The following MSH4 variants were observed in gnomAD, a reference collection of about 807,000 sequenced individuals.
MSH4 encodes mutS homolog 4, also known as mutS protein homolog 4.
In MSH4, 106 loss-of-function variants were observed where a neutral mutation model predicts 113.7. The observed-to-expected ratio is 0.93, with a 90% CI of 0.80 to 1.10. The LOEUF is 1.10. MSH4 is among the 50% of genes least tolerant of loss of function. The probability of loss-of-function intolerance (pLI) is 0.00; values close to 1 mark genes in which losing one functional copy is unlikely to be tolerated. For missense variants in MSH4, 1,061 were observed against 1,093.7 expected (o/e 0.97, Z 0.42); for synonymous variants, 368 against 380.2 (o/e 0.97, Z 0.37).
At chr1:75,889,469 G>A in intron 16 of MSH4, 100 bp downstream of exon 16, 1 of 545,748 alleles carries the variant, frequency 1.8e-6, no homozygotes, top group South Asian at 2.9e-5. Flanking sequence ...TGCAGATGTT[G>A]CTTATACCCT....
intron 8 of MSH4, among the ~76,000 whole-genome samples, chr1:75,858,193 C>A (rs1021917955): frequency 8.5e-5 from 13 of 152,188 alleles, no homozygotes; most frequent in African/African-American, 3.1e-4. Flanking sequence ...TCTAAATATA[C>A]AATCATGTCA....
At chr1:75,798,731 A>T (rs890194528) in intron 1 of MSH4, among the ~76,000 whole-genome samples, 3 of 151,118 alleles carry the variant, frequency 2.0e-5, no homozygotes, top group Admixed American at 6.6e-5. Context: ...AATTTAAAAA[A>T]TTTTTTTGTA....
At chr1:75,834,985 T>C (rs1047703995) in intron 7 of MSH4, among the ~76,000 whole-genome samples, 3 of 152,198 alleles carry the variant, frequency 2.0e-5, no homozygotes, top group Non-Finnish European at 4.4e-5. Context: ...ACCTGGCTGT[T>C]TGTCCACTGG....
chr1:75,859,436 TGTCCCAGAGA>T (rs1189330374), intron 8 of MSH4, among the ~76,000 whole-genome samples: 1 of 152,248 alleles, frequency 6.6e-6, no homozygotes, highest in Non-Finnish European at 1.5e-5. Context: ...GCTTTAAATG[TGTCCCAGAGA>T]TTCTGGTACG....
intron 7 of MSH4, among the ~76,000 whole-genome samples, chr1:75,837,294 T>C (rs1378712554): frequency 6.6e-6 from 1 of 152,140 alleles, no homozygotes; most frequent in Non-Finnish European, 1.5e-5. Flanking sequence ...GCCACTCAGC[T>C]TGTGGTAATT....
Position 75,797,101 on chromosome 1 carries a change from C to G in MSH4, c.116C>G (p.Pro39Arg), listed in dbSNP as rs1649831361. ...TACAATTTCGGACTCCAGGAGACTC[C>G]ACAGAGCCGCCCTTCGGTCCAGGTG... ...PRYNFGLQETPQSRPSVQVVS... is the reference protein window; with the variant it reads ...PRYNFGLQETRQSRPSVQVVS... The change falls in exon 1 of 20, where the codon CCA becomes CGA. Residue 39 changes from proline to arginine, a missense_variant. By Grantham distance (103) the Pro-to-Arg change is moderately radical (BLOSUM62 -2). Transcript: ENST00000263187. 1 of 1,613,908 alleles carries G rather than the reference C, an allele frequency of 6.2e-7. No homozygotes were observed. Among genetic ancestry groups the G allele is most frequent in the African/African-American group, 1.3e-5 (1 of 74,936 alleles).
In MSH4 at chr1:75,803,877, G is replaced by C. The variant is rs763715852; in HGVS notation, c.391G>C (p.Gly131Arg). 1 of 1,584,820 alleles carries C rather than the reference G, an allele frequency of 6.3e-7. No homozygotes were observed. The highest frequency in any genetic ancestry group is 1.2e-5 in the South Asian group (1 of 84,972). ...GTCTACTGGAAATCCTCAGAGATCAGGTTATAAGAGCTGGACACCACAAGT... is the reference window on the plus strand; with the variant it reads ...GTCTACTGGAAATCCTCAGAGATCACGTTATAAGAGCTGGACACCACAAGT... ...PLSTGNPQRS[G>R]YKSWTPQVGY... The change falls in exon 2 of 20, where the codon GGT becomes CGT. Residue 131 changes from glycine to arginine, a missense_variant. Coordinates refer to ENST00000263187, the MANE Select transcript of MSH4 (RefSeq NM_002440.4).
At chr1:75,819,964 C>G (rs1324447563) in intron 6 of MSH4, among the ~76,000 whole-genome samples, 1 of 152,138 alleles carries the variant, frequency 6.6e-6, no homozygotes, top group Non-Finnish European at 1.5e-5. Context: ...GATCCACCTG[C>G]CTCTGCCTCC....
intron 19 of MSH4, among the ~76,000 whole-genome samples, chr1:75,900,054 A>G (rs770347415): frequency 6.6e-5 from 10 of 151,980 alleles, no homozygotes; most frequent in Non-Finnish European, 1.0e-4. Flanking sequence ...GTATAATTAT[A>G]TATTTTTTAT....
In MSH4 at chr1:75,878,182, A is replaced by G. The variant is rs752680275; in HGVS notation, c.1404A>G (p.Val468=). The G allele has an allele frequency of 4.4e-6, 7 of 1,605,350 alleles. 1 individual carries two copies. The highest frequency in any genetic ancestry group is 5.9e-6 in the Non-Finnish European group (7 of 1,177,130). Residue 468 remains valine, a synonymous_variant, in exon 11 of 20, where the codon GTA becomes GTG. Transcript: ENST00000263187. ...TCATACTTGAAAAGATTAAAACAGT[A>G]ATTAATGATGATGCAAGATACATGA... ...FGIILEKIKT[V]INDDARYMKG...
chr1:75,912,189 G>T (rs1424539705), intron 19 of MSH4, among the ~76,000 whole-genome samples: 1 of 152,010 alleles, frequency 6.6e-6, no homozygotes, highest in Non-Finnish European at 1.5e-5. Context: ...CTCTTTAGGG[G>T]CAAGCAATTT....
At chr1:75,862,800 A>G (rs1442185720) in intron 8 of MSH4, among the ~76,000 whole-genome samples, 4 of 152,198 alleles carry the variant, frequency 2.6e-5, no homozygotes, top group Admixed American at 1.3e-4. Context: ...AAATGCTTTC[A>G]GAAAATTTTC....
At chr1:75,911,962 A>G (rs1652797282) in intron 19 of MSH4, among the ~76,000 whole-genome samples, 1 of 152,130 alleles carries the variant, frequency 6.6e-6, no homozygotes, top group African/African-American at 2.4e-5. Flanking sequence ...AGAATTTTCT[A>G]GGTATATTTG....
chr1:75,816,906 C>T (rs941581190), intron 6 of MSH4, among the ~76,000 whole-genome samples: 12 of 152,050 alleles, frequency 7.9e-5, no homozygotes, highest in African/African-American at 1.4e-4. Flanking sequence ...GGATTACAGC[C>T]GTGAGCTACT....
At chr1:75,853,376 A>G (rs1421287334) in intron 8 of MSH4, among the ~76,000 whole-genome samples, 2 of 151,982 alleles carry the variant, frequency 1.3e-5, no homozygotes, top group Non-Finnish European at 1.5e-5. Flanking sequence ...GATTTTTTTT[A>G]TTGTTAGATT....
chr1:75,899,743 A>G (rs761463171), intron 19 of MSH4, 37 bp downstream of exon 19: 1 of 1,213,532 alleles, frequency 8.2e-7, no homozygotes, highest in Non-Finnish European at 1.1e-6. Context: ...TTCAAATTAA[A>G]AAAAATACTT....
At chr1:75,834,582 A>G (rs1202625713) in intron 7 of MSH4, among the ~76,000 whole-genome samples, 2 of 152,236 alleles carry the variant, frequency 1.3e-5, no homozygotes, top group Non-Finnish European at 2.9e-5. Flanking sequence ...CATATACACC[A>G]TGGACTACTA....
intron 7 of MSH4, among the ~76,000 whole-genome samples, chr1:75,831,503 C>T (rs1222074847): frequency 1.3e-5 from 2 of 152,180 alleles, no homozygotes; most frequent in Non-Finnish European, 2.9e-5. Flanking sequence ...CACCACATCA[C>T]ACTTATTCCA....
chr1:75,845,758 G>C (rs575815931), intron 7 of MSH4, among the ~76,000 whole-genome samples: 57 of 152,142 alleles, frequency 3.7e-4, no homozygotes, highest in Middle Eastern at 3.4e-3. Flanking sequence ...GGCTTTACTA[G>C]GCATTGCCCT....
Sources: gnomAD v4.1 joint callset for allele counts (sites outside exome capture counted in the v4.1 genomes callset) on GRCh38, gnomAD v4.1.1 for gene constraint, MANE v1.5 for transcripts, NCBI Gene and HGNC (gene_info 2026-07-23, HGNC 2026-07-21) for gene names.